OMA1: variants seen among roughly 807,000 people sequenced by gnomAD.
OMA1 encodes OMA1 zinc metallopeptidase.
A neutral mutation model predicts 30.9 loss-of-function variants in OMA1; 38 were observed. The ratio of observed to expected loss-of-function variants is 1.23; its 90% CI spans 0.95 to 1.61. The LOEUF (loss-of-function observed/expected upper bound fraction) is 1.61, where lower values mean the gene tolerates loss of function less well. OMA1 is among the 40% of genes most tolerant of loss of function. The probability of loss-of-function intolerance (pLI) is 0.00; values close to 1 mark genes in which losing one functional copy is unlikely to be tolerated. For synonymous variants in OMA1, 173 were observed against 121.9 expected, an observed-to-expected ratio of 1.42 and a Z score of -2.76; for missense variants, 461 against 349.2, an observed-to-expected ratio of 1.32 and a Z score of -2.55.
At chr1:58,507,794 G>A (rs1369777688) in intron 7 of OMA1, among the ~76,000 whole-genome samples, 4 of 152,018 alleles carry the variant, frequency 2.6e-5, no homozygotes, top group East Asian at 3.9e-4. Context: ...TCAATAATAG[G>A]TAATCACATT....
At chr1:58,541,852 G>T (rs1646626885) in intron 1 of OMA1, among the ~76,000 whole-genome samples, 1 of 152,076 alleles carries the variant, frequency 6.6e-6, no homozygotes. Context: ...AGGACATAAA[G>T]TCAATAAACA....
At chr1:58,495,315 T>G (rs908507563) in intron 8 of OMA1, among the ~76,000 whole-genome samples, 6 of 152,100 alleles carry the variant, frequency 3.9e-5, no homozygotes, top group African/African-American at 1.4e-4. Flanking sequence ...ATATACCTAA[T>G]GTTAAATGAC....
At chr1:58,526,897 A>G (rs1422631377) in intron 7 of OMA1, among the ~76,000 whole-genome samples, 1 of 152,166 alleles carries the variant, frequency 6.6e-6, no homozygotes, top group Non-Finnish European at 1.5e-5. Flanking sequence ...CACATTACAT[A>G]ACCAAATGTT....
chr1:58,503,145 C>A (rs1022154442), intron 8 of OMA1, among the ~76,000 whole-genome samples: 4 of 152,094 alleles, frequency 2.6e-5, no homozygotes, highest in African/African-American at 9.7e-5. Context: ...AATTTATTAT[C>A]CAATTAAACA....
chr1:58,518,833 A>C (rs1646214708), intron 7 of OMA1, among the ~76,000 whole-genome samples: 1 of 152,222 alleles, frequency 6.6e-6, no homozygotes, highest in Admixed American at 6.5e-5. Flanking sequence ...AAGATAAATG[A>C]TTAAAAGACA....
intron 7 of OMA1, among the ~76,000 whole-genome samples, chr1:58,521,176 T>C (rs757955940): frequency 1.3e-5 from 2 of 151,954 alleles, no homozygotes; most frequent in South Asian, 2.1e-4. Context: ...AACTAAGCAA[T>C]ATACTTCTAA....
intron 7 of OMA1, among the ~76,000 whole-genome samples, chr1:58,513,190 G>A (rs1229872408): frequency 6.6e-6 from 1 of 152,054 alleles, no homozygotes; most frequent in East Asian, 1.9e-4. Flanking sequence ...GAGTTCTCAT[G>A]GGATCTGATG....
intron 7 of OMA1, among the ~76,000 whole-genome samples, chr1:58,523,743 C>CA (rs1222122652): frequency 6.6e-6 from 1 of 151,978 alleles, no homozygotes; most frequent in Non-Finnish European, 1.5e-5. Context: ...ACTAAAAACA[C>CA]AAAAAATTAG....
chr1:58,494,712 C>G (rs1413298085), intron 8 of OMA1, among the ~76,000 whole-genome samples: 3 of 152,084 alleles, frequency 2.0e-5, no homozygotes, highest in Non-Finnish European at 4.4e-5. Context: ...ATCAAAACCA[C>G]AATGAGATAC....
chr1:58,481,998 A>C (rs1645494257), intron 8 of OMA1, among the ~76,000 whole-genome samples: 1 of 152,248 alleles, frequency 6.6e-6, no homozygotes, highest in Non-Finnish European at 1.5e-5. Context: ...AGAAAAGTAA[A>C]CAAATCAAAA....
chr1:58,496,359 G>A (rs1399006053), intron 8 of OMA1, among the ~76,000 whole-genome samples: 4 of 152,088 alleles, frequency 2.6e-5, no homozygotes, highest in African/African-American at 4.8e-5. Context: ...TTGTAAAGTC[G>A]TTCTTTCAGA....
chr1:58,487,144 G>C (rs1015822421), intron 8 of OMA1, among the ~76,000 whole-genome samples: 5 of 152,232 alleles, frequency 3.3e-5, no homozygotes, highest in Admixed American at 6.5e-5. Context: ...TAACTTGGGA[G>C]GAGATGATGG....
chr1:58,512,831 G>C (rs1207149384), intron 7 of OMA1, among the ~76,000 whole-genome samples: 1 of 152,142 alleles, frequency 6.6e-6, no homozygotes, highest in Non-Finnish European at 1.5e-5. Context: ...CTGATATACA[G>C]CATGTGCCTA....
chr1:58,523,990 G>A (rs113282327), intron 7 of OMA1, among the ~76,000 whole-genome samples: 9 of 152,282 alleles, frequency 5.9e-5, no homozygotes, highest in South Asian at 2.1e-4. Context: ...CAGAAAAAGC[G>A]TTCTCATTGT....
intron 7 of OMA1, among the ~76,000 whole-genome samples, chr1:58,518,214 G>A (rs1393484746): frequency 2.7e-4 from 1 of 3,770 alleles, no homozygotes; most frequent in Non-Finnish European, 8.5e-4. Context: ...GGAGAGGGGA[G>A]AGGGGAGAGG....
chr1:58,514,627 A>G (rs1238193828), intron 7 of OMA1, among the ~76,000 whole-genome samples: 1 of 152,188 alleles, frequency 6.6e-6, no homozygotes, highest in Non-Finnish European at 1.5e-5. Context: ...CCACATAGAC[A>G]TGTGATAGGT....
chr1:58,481,098 G>A lies in OMA1; in HGVS notation c.1442C>T (p.Thr481Met), dbSNP rs751900815. ...PDPRLLFKLS[T>M]KHFLEESEKE... ...CTCTGATTCTTCAAGAAAATGCTTC[G>A]TGCTGAGTTTGAATAGTAATCGAGG... The change falls in exon 9 of 9, where the codon ACG becomes ATG. Residue 481 changes from threonine to methionine, a missense_variant. By Grantham distance (81) the Thr-to-Met change is moderately conservative (BLOSUM62 -1). Coordinates refer to ENST00000371226, the MANE Select transcript of OMA1 (RefSeq NM_145243.5). 5.7e-6 allele frequency: 5 copies of A among 871,648 alleles called. No homozygotes were observed. Among genetic ancestry groups the A allele is most frequent in the African/African-American group, 3.3e-5 (2 of 61,208 alleles). The allele number at this position is 871,648 out of a possible 1,614,324, so 54.0% of individuals were successfully genotyped here. A position where few individuals can be genotyped will look rare whatever the true frequency, so the allele number is the denominator to read the frequency against.
Position 58,480,943 on chromosome 1 carries a change from CTT to C in OMA1, c.*20_*21del, listed in dbSNP as rs1172326502. 3.5e-6 allele frequency: 3 copies of C among 846,320 alleles called. No homozygotes were observed. The East Asian group carries it at 7.3e-5, about 21-fold the overall frequency. The allele number at this position is 846,320 out of a possible 1,614,324, so 52.4% of individuals were successfully genotyped here. On this transcript the variant is annotated 3_prime_UTR_variant, in exon 9 of 9. Transcript: ENST00000371226. ...AAGGACTGCAACATTCTTCATATAT[CTT>C]GTGTCTCATAAATTTTAATTCAACT...
intron 8 of OMA1, among the ~76,000 whole-genome samples, chr1:58,489,314 G>C (rs1470486840): frequency 6.6e-6 from 1 of 152,234 alleles, no homozygotes; most frequent in Non-Finnish European, 1.5e-5. Context: ...CTGGCTCAAA[G>C]GGTCCTACGC....
Sources: gnomAD v4.1 joint callset for allele counts (sites outside exome capture counted in the v4.1 genomes callset) on GRCh38, gnomAD v4.1.1 for gene constraint, MANE v1.5 for transcripts, NCBI Gene and HGNC (gene_info 2026-07-23, HGNC 2026-07-21) for gene names.